RBM26: variants seen among roughly 807,000 people sequenced by gnomAD.
The protein encoded by RBM26 is RNA binding motif protein 26, also known as RNA-binding protein 26.
Under a neutral mutation model 123.6 loss-of-function variants are expected in RBM26, and 30 were observed. The ratio of observed to expected loss-of-function variants is 0.24; its 90% CI spans 0.18 to 0.33. The LOEUF is 0.33. Ranked by LOEUF, RBM26 falls within the 10% of genes least tolerant of loss-of-function variation. RBM26 has a pLI of 1.00. For synonymous variants in RBM26, 400 were observed against 404.4 expected, an observed-to-expected ratio of 0.99 and a Z score of 0.13; for missense variants, 947 against 1,203.6, an observed-to-expected ratio of 0.79 and a Z score of 3.15.
intron 1 of RBM26, among the ~76,000 whole-genome samples, chr13:79,385,552 G>A (rs1347448416): frequency 1.3e-5 from 2 of 152,000 alleles, no homozygotes; most frequent in Non-Finnish European, 2.9e-5. Flanking sequence ...TAGAACAGTG[G>A]TTCTCAAACT....
At chr13:79,317,118 C>T (rs2067221097), downstream of RBM26, among the ~76,000 whole-genome samples, 1 of 151,614 alleles carries the variant, frequency 6.6e-6, no homozygotes, top group African/African-American at 2.4e-5. Flanking sequence ...TGAAAAGTTA[C>T]AATTGGAAAA....
intron 20 of RBM26, 105 bp downstream of exon 20, chr13:79,334,239 A>T: frequency 1.6e-6 from 1 of 636,912 alleles, no homozygotes; most frequent in Non-Finnish European, 2.7e-6. Context: ...ACCTATTGTC[A>T]AAGCATATTA....
chr13:79,363,206 G>T (rs1415212053), intron 9 of RBM26, among the ~76,000 whole-genome samples: 2 of 152,116 alleles, frequency 1.3e-5, no homozygotes, highest in Non-Finnish European at 2.9e-5. Flanking sequence ...ATTTAAAGCA[G>T]TAAGCATAAA....
At position 79,342,681 on chromosome 13, in the gene RBM26, T is replaced by C. The variant is rs2071616037; in HGVS notation, c.2410A>G (p.Ile804Val). 6.2e-7 allele frequency: 1 copy of C among 1,606,982 alleles called. No individual in the cohort carries two copies. Among genetic ancestry groups the C allele is most frequent in the Non-Finnish European group, 8.5e-7 (1 of 1,177,040 alleles). The change falls in exon 17 of 22, where the codon ATA (isoleucine) becomes GTA (valine). Residue 804 changes from isoleucine (I) to valine (V), a missense_variant. By Grantham distance (29) the Ile-to-Val change is conservative. Around this residue, in one of 5 missense-constraint regions of RBM26, gnomAD observed 493 missense variants for 563.1 expected, o/e 0.88. Coordinates refer to ENST00000438737, the MANE Select transcript of RBM26 (RefSeq NM_001366735.2). Reference sequence around the variant, plus strand: ...TTAAATACCTGAGTCTTGGTTTTTATACTTTTTGGAAGACAGCGTCCAGGA... The same window carrying C: ...TTAAATACCTGAGTCTTGGTTTTTACACTTTTTGGAAGACAGCGTCCAGGA... ...ASPGRCLPKS[I>V]KTKTQMQKEL...
intron 1 of RBM26, among the ~76,000 whole-genome samples, chr13:79,379,663 A>T (rs559535046): frequency 6.6e-6 from 1 of 152,104 alleles, no homozygotes; most frequent in East Asian, 1.9e-4. Flanking sequence ...CACAAAATCC[A>T]TATTATCAAA....
rs1388519503 is a variant in RBM26, at chr13:79,359,624, T to C, written c.1480A>G (p.Ile494Val). The change falls in exon 10 of 22, where the codon ATT (isoleucine) becomes GTT (valine). Residue 494 changes from isoleucine to valine, a missense_variant. Ile to Val is a conservative substitution (Grantham distance 29). This residue lies in a region of RBM26 where 493 missense variants were observed against 563.1 expected (regional missense o/e 0.88). Coordinates refer to ENST00000438737, the MANE Select transcript of RBM26 (RefSeq NM_001366735.2). ...GGAACTCCAGGCTCTCCAGAACCAA[T>C]GGTTCTTTTCCTTGATTCTGAGTCC... is the stretch of plus-strand genomic sequence containing the variant. ...VVDSESRKRTIGSGEPGVPTK... is the reference protein window; with the variant it reads ...VVDSESRKRTVGSGEPGVPTK... The C allele has an allele frequency of 1.9e-6, 3 of 1,601,510 alleles. No individual in the cohort carries two copies. The highest frequency in any genetic ancestry group is 2.2e-5 in the South Asian group (2 of 88,906).
intron 16 of RBM26, among the ~76,000 whole-genome samples, chr13:79,343,355 A>G (rs2071753175): frequency 6.6e-6 from 1 of 151,902 alleles, no homozygotes; most frequent in Non-Finnish European, 1.5e-5. Context: ...CAAGATAAGC[A>G]AGATAGTATG....
rs1448847037 is a variant in RBM26, at chr13:79,353,161, T to C, written c.2050A>G (p.Thr684Ala). 3.2e-6 allele frequency: 5 copies of C among 1,586,320 alleles called. No homozygotes were observed. The highest frequency in any genetic ancestry group is 2.3e-5 in the South Asian group (2 of 87,616). The change falls in exon 14 of 22, where the codon ACT becomes GCT. Residue 684 changes from threonine (T) to alanine (A), a missense_variant. Transcript: ENST00000438737. The stretch of plus-strand genomic sequence containing the variant: ...CATGCTATTCTTCTTACCTTTTCAG[T>C]TGCTGAAACAGATGGCTTTGATACA... Reference protein sequence around the residue: ...GFVSKPSVSATEKVLSTSTGL... With the variant: ...GFVSKPSVSAAEKVLSTSTGL...
intron 19 of RBM26, among the ~76,000 whole-genome samples, chr13:79,335,029 T>C (rs180798909): frequency 9.9e-5 from 15 of 152,248 alleles, no homozygotes; most frequent in Non-Finnish European, 2.9e-5. Context: ...ATTCCTGTTT[T>C]TGGTTTGTTG....
intron 1 of RBM26, among the ~76,000 whole-genome samples, chr13:79,382,137 A>C (rs1448409014): frequency 2.6e-5 from 4 of 152,102 alleles, no homozygotes; most frequent in African/African-American, 7.2e-5. Flanking sequence ...ATTTGTCTTA[A>C]ATGTTATATT....
At chr13:79,372,411 A>G (rs2140068201) in intron 3 of RBM26, among the ~76,000 whole-genome samples, 1 of 152,170 alleles carries the variant, frequency 6.6e-6, no homozygotes, top group South Asian at 2.1e-4. Context: ...CGTAGAAGCA[A>G]AATTGTCATC....
intron 9 of RBM26, among the ~76,000 whole-genome samples, chr13:79,361,152 T>C (rs1475947636): frequency 6.6e-6 from 1 of 152,172 alleles, no homozygotes. Context: ...GTCTATCTTT[T>C]ATTTTTCTTA....
At position 79,373,701 on chromosome 13, in the gene RBM26, TTATATA is replaced by T. The variant is rs532123942; in HGVS notation, c.328-1777_328-1772del. 8.2e-5 allele frequency among the ~76,000 whole-genome samples: 6 copies of T among 73,400 alleles called. No individual in the cohort carries two copies. In the East Asian group the frequency reaches 1.5e-3, roughly 19 times the overall value. The allele number at this position is 73,400 out of a possible 152,430, so 48.2% of individuals were successfully genotyped here. A position where few individuals can be genotyped will look rare whatever the true frequency, so the allele number is the denominator to read the frequency against. On this transcript the variant is annotated intron_variant, in intron 3 of 21. Transcript: ENST00000438737. ...ACTATATATAATAATATATAATATT[TTATATA>T]TATATATTACTATATATAATAATAT...
chr13:79,353,045 T>C (rs1300938060), intron 14 of RBM26, 108 bp downstream of exon 14: 1 of 546,624 alleles, frequency 1.8e-6, no homozygotes, highest in Non-Finnish European at 3.1e-6. Context: ...AAGATACAGA[T>C]ACTATTAAGA....
rs546829823 is a variant in RBM26 at position 79,327,678 on chromosome 13, T to C, written c.2821-5216A>G. 3.5e-4 allele frequency among the ~76,000 whole-genome samples: 53 copies of C among 152,162 alleles called. 1 individual carries two copies. Among genetic ancestry groups the C allele is most frequent in the African/African-American group, 1.2e-3 (48 of 41,544 alleles). On this transcript the variant is annotated intron_variant, in intron 20 of 21. Coordinates refer to ENST00000438737, the MANE Select transcript of RBM26 (RefSeq NM_001366735.2). ...ACATATGAAGAACCAATAGAAAATATTATGGAACAAAAGATCTCATTTAAA... is the reference window on the plus strand; with the variant it reads ...ACATATGAAGAACCAATAGAAAATACTATGGAACAAAAGATCTCATTTAAA...
intron 20 of RBM26, 41 bp from the exon 21 acceptor site, chr13:79,322,503 T>C (rs762697894): frequency 1.5e-6 from 2 of 1,365,000 alleles, no homozygotes; most frequent in African/African-American, 3.1e-5. Context: ...ACATTAAAAA[T>C]TTCTGAAGAA....
In RBM26 at chr13:79,337,090, G is replaced by T. The variant is rs372414574; in HGVS notation, c.2733+12C>A. On this transcript the variant is annotated intron_variant, in intron 19 of 21. Coordinates refer to ENST00000438737, the MANE Select transcript of RBM26 (RefSeq NM_001366735.2). ...TTATCAGCATTTGTTTTGTTGAGCA[G>T]TAAGAAAGTACCGCAAAATGAGGAA... 1.2e-6 allele frequency: 2 copies of T among 1,610,490 alleles called. No homozygotes were observed. Among genetic ancestry groups the T allele is most frequent in the African/African-American group, 2.7e-5 (2 of 74,846 alleles).
At chr13:79,361,007 T>C (rs1400382730) in intron 9 of RBM26, among the ~76,000 whole-genome samples, 1 of 152,268 alleles carries the variant, frequency 6.6e-6, no homozygotes, top group African/African-American at 2.4e-5. Flanking sequence ...ATATCTCTCA[T>C]GGCCACAGCT....
chr13:79,331,580 G>C (rs901679631), intron 20 of RBM26, among the ~76,000 whole-genome samples: 1 of 151,280 alleles, frequency 6.6e-6, no homozygotes, highest in Admixed American at 6.6e-5. Flanking sequence ...AGCTTGCAGT[G>C]AGCTGAGATC....
Sources: allele counts gnomAD v4.1 joint callset (sites outside exome capture counted in the v4.1 genomes callset), GRCh38; gene constraint gnomAD v4.1.1; regional missense constraint gnomAD v4.1.1; transcripts MANE v1.5; gene names NCBI Gene and HGNC (gene_info 2026-07-23, HGNC 2026-07-21).